The following MFAP3L variants were observed in gnomAD, a reference collection of about 807,000 sequenced individuals.
MFAP3L encodes the protein microfibrillar-associated protein 3-like.
A neutral mutation model predicts 20.0 loss-of-function variants in MFAP3L; 5 were observed. The observed-to-expected ratio is 0.25, with a 90% CI of 0.13 to 0.53. The LOEUF is 0.53. MFAP3L is among the 20% of genes least tolerant of loss of function. The pLI is 0.96. For missense variants in MFAP3L, 409 were observed against 527.5 expected (o/e 0.78, Z 2.20); for synonymous variants, 219 against 213.0 (o/e 1.03, Z -0.25).
chr4:169,990,329 A>G lies in MFAP3L; in HGVS notation c.*1049T>C, dbSNP rs1737569209. 1 of 152,302 alleles carries G rather than the reference A, an allele frequency of 6.6e-6. No individual in the cohort carries two copies. Among genetic ancestry groups the G allele is most frequent in the Non-Finnish European group, 1.5e-5 (1 of 68,054 alleles). The allele number at this position is 152,302 out of a possible 1,614,324, so 9.4% of individuals were successfully genotyped here. On this transcript the variant is annotated 3_prime_UTR_variant, in exon 3 of 3. Transcript: ENST00000361618. ...TTTCCTCTTTAAGGACAACCAAGTC[A>G]GCTATGCAGTTCATAAAAGTGGACC...
intron 1 of MFAP3L, among the ~76,000 whole-genome samples, chr4:170,008,092 C>T (rs1346552580): frequency 6.6e-6 from 1 of 152,078 alleles, no homozygotes; most frequent in Non-Finnish European, 1.5e-5. Context: ...TTAATAATGT[C>T]AGTAGGTGCT....
At chr4:169,993,400 T>C (rs1443159503) in intron 2 of MFAP3L, 2 of 152,210 alleles carry the variant, frequency 1.3e-5, no homozygotes, top group Non-Finnish European at 2.9e-5. Context: ...TCCTGAGAGC[T>C]GGGGCAACTG....
chr4:170,001,758 T>C (rs1333135062), intron 2 of MFAP3L, among the ~76,000 whole-genome samples: 1 of 152,232 alleles, frequency 6.6e-6, no homozygotes, highest in Non-Finnish European at 1.5e-5. Context: ...TTATGGTGTG[T>C]GGACTACCTC....
chr4:170,006,606 G>A (rs552933137), intron 1 of MFAP3L: 42 of 152,190 alleles, frequency 2.8e-4, no homozygotes, highest in African/African-American at 9.4e-4. Flanking sequence ...CACTTACCAT[G>A]ACAAGCTCTC....
At chr4:169,993,522 TTTG>T (rs1203084919) in intron 2 of MFAP3L, 6 of 152,188 alleles carry the variant, frequency 3.9e-5, no homozygotes, top group Non-Finnish European at 7.3e-5. Flanking sequence ...GCAACTCTTT[TTTG>T]TTGTTTTTTG....
At position 170,005,984 on chromosome 4, in the gene MFAP3L, C is replaced by T; in HGVS notation, c.-107G>A. The T allele has an allele frequency of 6.8e-7, 1 of 1,462,242 alleles. No individual in the cohort carries two copies. The highest frequency in any genetic ancestry group is 9.0e-7 in the Non-Finnish European group (1 of 1,108,766). The allele number at this position is 1,462,242 out of a possible 1,614,324, so 90.6% of individuals were successfully genotyped here. A position where few individuals can be genotyped will look rare whatever the true frequency, so the allele number is the denominator to read the frequency against. ...GTCATGGGACAAACCTGTCCTGGGT[C>T]CATAGAGTTGGTACTTGAGCAAGAA... On this transcript the variant is annotated 5_prime_UTR_variant, in exon 2 of 3. Transcript: ENST00000361618.
rs748269579 is a variant in MFAP3L at position 169,991,392 on chromosome 4, C to T, written c.1216G>A (p.Glu406Lys). The change falls in exon 3 of 3, where the codon GAA becomes AAA. Residue 406 changes from glutamate to lysine, a missense_variant. Around this residue, in one of 3 missense-constraint regions of MFAP3L, gnomAD observed 169 missense variants for 178.2 expected, o/e 0.95. Coordinates refer to ENST00000361618, the MANE Select transcript of MFAP3L (RefSeq NM_021647.8). The surrounding 1 kb of genome is among the most constrained non-coding windows in gnomAD (Gnocchi z 4.9). ...THDKNTCIIY[E>K]SHV ...CGGGGTTGGTATTAGACATGGCTTT[C>T]GTAAATAATGCAGGTGTTTTTGTCA... 1.5e-5 allele frequency: 25 copies of T among 1,613,362 alleles called. No individual in the cohort carries two copies. The highest frequency in any genetic ancestry group is 1.6e-4 in the Middle Eastern group (1 of 6,084).
intron 1 of MFAP3L, chr4:170,006,608 C>G (rs921034642): frequency 6.6e-6 from 1 of 152,204 alleles, no homozygotes; most frequent in East Asian, 1.9e-4. Context: ...CTTACCATGA[C>G]AAGCTCTCTT....
At chr4:169,993,150 A>C (rs1737859456) in intron 2 of MFAP3L, among the ~76,000 whole-genome samples, 4 of 152,288 alleles carry the variant, frequency 2.6e-5, no homozygotes, top group South Asian at 2.1e-4. Flanking sequence ...GAATTCAGTG[A>C]AACACTTTGG....
intron 1 of MFAP3L, among the ~76,000 whole-genome samples, chr4:170,013,248 A>G (rs1165747791): frequency 3.9e-5 from 6 of 152,182 alleles, no homozygotes; most frequent in Non-Finnish European, 4.4e-5. Context: ...TCACTCTAAT[A>G]TGGAGATGAG....
At position 169,988,512 on chromosome 4, in the gene MFAP3L, C is replaced by T. The variant is rs1317848782; in HGVS notation, c.*2866G>A. The T allele has an allele frequency of 6.6e-6, 1 of 152,132 alleles. No individual in the cohort carries two copies. The highest frequency in any genetic ancestry group is 6.6e-5 in the Admixed American group (1 of 15,266). The allele number at this position is 152,132 out of a possible 1,614,324, so 9.4% of individuals were successfully genotyped here. A position where few individuals can be genotyped will look rare whatever the true frequency, so the allele number is the denominator to read the frequency against. The stretch of plus-strand genomic sequence containing the variant: ...TTTAGTGTGAAGCTTTTAAAACTGC[C>T]CAAATGAGTCCAATGTGCACGAGTG... On this transcript the variant is annotated 3_prime_UTR_variant, in exon 3 of 3. Coordinates refer to ENST00000361618, the MANE Select transcript of MFAP3L (RefSeq NM_021647.8).
At chr4:170,023,613 G>C (rs1740171668) in intron 1 of MFAP3L, among the ~76,000 whole-genome samples, 1 of 152,210 alleles carries the variant, frequency 6.6e-6, no homozygotes, top group Admixed American at 6.5e-5. Flanking sequence ...AAAGTTTTAA[G>C]TGTCCTCCTG....
chr4:169,991,204 G>T lies in MFAP3L; in HGVS notation c.*174C>A. On this transcript the variant is annotated 3_prime_UTR_variant, in exon 3 of 3. Transcript: ENST00000361618. This position sits in a 1 kb window ranked among gnomAD's most constrained non-coding sequence, Gnocchi z 4.9. Reference sequence around the variant, plus strand: ...ATGTTTCTCGCACCCTTCTCTACTGGGGAAATTCCAGTCCCATTCACTGCA... The same window carrying T: ...ATGTTTCTCGCACCCTTCTCTACTGTGGAAATTCCAGTCCCATTCACTGCA... 1.5e-6 allele frequency: 1 copy of T among 658,504 alleles called. No homozygotes were observed. The highest frequency in any genetic ancestry group is 2.0e-5 in the South Asian group (1 of 49,510). 40.8% of individuals were successfully genotyped at this position (658,504 alleles called of 1,614,324 possible). A position where few individuals can be genotyped will look rare whatever the true frequency, so the allele number is the denominator to read the frequency against.
At chr4:170,014,509 T>C (rs984705912) in intron 1 of MFAP3L, among the ~76,000 whole-genome samples, 8 of 152,198 alleles carry the variant, frequency 5.3e-5, no homozygotes, top group African/African-American at 1.9e-4. Flanking sequence ...ATGGAGGTGC[T>C]GATCCCTGGC....
upstream of MFAP3L, chr4:170,026,424 G>A (rs1363883451): frequency 2.1e-5 from 8 of 378,342 alleles, no homozygotes; most frequent in Middle Eastern, 2.7e-3. Flanking sequence ...CCCACCTACA[G>A]GAGCCTGGGC....
Position 169,991,151 on chromosome 4 carries a change from TTC to T in MFAP3L, c.*225_*226del, listed in dbSNP as rs1490584983. The T allele has an allele frequency of 7.0e-6, 4 of 571,234 alleles. No homozygotes were observed. The highest frequency in any genetic ancestry group is 5.6e-5 in the African/African-American group (3 of 53,446). 35.4% of individuals were successfully genotyped at this position (571,234 alleles called of 1,614,324 possible). A position where few individuals can be genotyped will look rare whatever the true frequency, so the allele number is the denominator to read the frequency against. Reference sequence around the variant, plus strand: ...TGAAACTCATTATCACATAGACACCTTCTGTCTGGTATCAATTCTGCACCCTG... The same window carrying T: ...TGAAACTCATTATCACATAGACACCTTGTCTGGTATCAATTCTGCACCCTG... On this transcript the variant is annotated 3_prime_UTR_variant, in exon 3 of 3. Coordinates refer to ENST00000361618, the MANE Select transcript of MFAP3L (RefSeq NM_021647.8). The surrounding 1 kb of genome is among the most constrained non-coding windows in gnomAD (Gnocchi z 4.9).
intron 1 of MFAP3L, among the ~76,000 whole-genome samples, chr4:170,011,493 CAG>C (rs1739377476): frequency 6.6e-6 from 1 of 152,238 alleles, no homozygotes; most frequent in South Asian, 2.1e-4. Flanking sequence ...ATACCTAATT[CAG>C]ATGGCAAATG....
At position 169,988,778 on chromosome 4, in the gene MFAP3L, T is replaced by C. The variant is rs1340103752; in HGVS notation, c.*2600A>G. 6.6e-6 allele frequency: 1 copy of C among 152,164 alleles called. No homozygotes were observed. The highest frequency in any genetic ancestry group is 1.5e-5 in the Non-Finnish European group (1 of 68,022). 9.4% of individuals were successfully genotyped at this position (152,164 alleles called of 1,614,324 possible). ...TCAGTTGTTATCAAAACCGAGAGCA[T>C]TATGATGCCTTAAAGAGGGAGAAAG... On this transcript the variant is annotated 3_prime_UTR_variant, in exon 3 of 3. Transcript: ENST00000361618.
At chr4:170,003,903 G>A in intron 2 of MFAP3L, 1 of 946,426 alleles carries the variant, frequency 1.1e-6, no homozygotes, top group Non-Finnish European at 1.3e-6. Flanking sequence ...ACCAGTGTGG[G>A]CTAGGGGTTG....
Sources: gnomAD v4.1 joint callset for allele counts (sites outside exome capture counted in the v4.1 genomes callset) on GRCh38, gnomAD v4.1.1 for gene constraint, gnomAD v4.1.1 regional missense constraint, Gnocchi (gnomAD v3.1) non-coding constraint, MANE v1.5 for transcripts, NCBI Gene and HGNC (gene_info 2026-07-23, HGNC 2026-07-21) for gene names.